The following USP18 variants were observed in gnomAD, a reference collection of about 807,000 sequenced individuals.
USP18 encodes ubiquitin specific peptidase 18, also known as ubl carboxyl-terminal hydrolase 18.
A neutral mutation model predicts 48.7 loss-of-function variants in USP18; 11 were observed. The observed-to-expected ratio is 0.23, with a 90% CI of 0.14 to 0.37. The LOEUF is 0.37. Ranked by LOEUF, USP18 falls within the 10% of genes least tolerant of loss-of-function variation. The pLI is 1.00. For missense variants in USP18, 285 were observed against 436.4 expected (o/e 0.65, Z 3.09); for synonymous variants, 114 against 163.2 (o/e 0.70, Z 2.30).
In USP18 at chr22:18,155,480, G is replaced by A. The variant is rs1363050508; in HGVS notation, c.-106-2078G>A. ...ACTGTGGGAGCCCCTTCCTGGGCTG[G>A]CCGAGGCTGGAGTGGGCTCCCTTAG... On this transcript the variant is annotated intron_variant, in intron 1 of 10. Transcript: ENST00000215794. Among the ~76,000 whole-genome samples, 4 of 152,350 alleles carry A rather than the reference G, an allele frequency of 2.6e-5. No individual in the cohort carries two copies. The East Asian group carries it at 5.8e-4, about 22-fold the overall frequency.
chr22:18,171,752 T>G (rs1301687545), intron 8 of USP18, among the ~76,000 whole-genome samples: 1 of 152,164 alleles, frequency 6.6e-6, no homozygotes, highest in Non-Finnish European at 1.5e-5. Context: ...GGAGTGTCTC[T>G]TCTGTTTTAT....
At chr22:18,162,462 C>T (rs961352512) in intron 4 of USP18, among the ~76,000 whole-genome samples, 2 of 150,066 alleles carry the variant, frequency 1.3e-5, no homozygotes, top group East Asian at 1.9e-4. Context: ...CCTACACTTA[C>T]GGGTTTTCCC....
At chr22:18,172,071 C>G (rs886494652) in intron 8 of USP18, among the ~76,000 whole-genome samples, 3 of 152,122 alleles carry the variant, frequency 2.0e-5, no homozygotes, top group African/African-American at 7.2e-5. Flanking sequence ...TCGAGCCCAG[C>G]TGGACAACAA....
intron 4 of USP18, among the ~76,000 whole-genome samples, chr22:18,163,644 G>GA (rs1396112999): frequency 7.2e-6 from 1 of 138,232 alleles, no homozygotes; most frequent in Non-Finnish European, 1.6e-5. Context: ...CTCTGTCTCA[G>GA]AAAAAAAGAA....
intron 1 of USP18, among the ~76,000 whole-genome samples, chr22:18,155,168 G>C (rs1929094975): frequency 6.6e-6 from 1 of 152,256 alleles, no homozygotes; most frequent in Admixed American, 6.5e-5. Flanking sequence ...AGGGCCCAGG[G>C]CCACTGTAGT....
intron 1 of USP18, among the ~76,000 whole-genome samples, chr22:18,157,233 A>G (rs1281211624): frequency 1.3e-5 from 2 of 152,172 alleles, no homozygotes; most frequent in Non-Finnish European, 2.9e-5. Context: ...TCAGGGGCTG[A>G]GAGTTCTTGC....
chr22:18,168,998 C>A (rs1929556473), intron 6 of USP18, among the ~76,000 whole-genome samples: 1 of 151,912 alleles, frequency 6.6e-6, no homozygotes, highest in African/African-American at 2.4e-5. Context: ...TGAGATCCTG[C>A]CAAGTGGACC....
intron 4 of USP18, among the ~76,000 whole-genome samples, chr22:18,164,095 C>T (rs1050920667): frequency 6.6e-6 from 1 of 152,264 alleles, no homozygotes; most frequent in South Asian, 2.1e-4. Flanking sequence ...GCTGGCTGCT[C>T]TCTGCTTAGA....
chr22:18,169,462 G>T (rs1442954214), intron 6 of USP18, among the ~76,000 whole-genome samples: 1 of 152,246 alleles, frequency 6.6e-6, no homozygotes, highest in Non-Finnish European at 1.5e-5. Context: ...TGTAGTCCCA[G>T]CTACTTAGGA....
intron 10 of USP18, among the ~76,000 whole-genome samples, chr22:18,175,625 C>T (rs1412849629): frequency 2.1e-4 from 32 of 148,936 alleles, no homozygotes; most frequent in Middle Eastern, 3.4e-3. Flanking sequence ...CAAAAGCAGC[C>T]GTAGACAGTA....
chr22:18,156,715 C>A (rs1261686240), intron 1 of USP18, among the ~76,000 whole-genome samples: 2 of 152,176 alleles, frequency 1.3e-5, no homozygotes, highest in African/African-American at 2.4e-5. Flanking sequence ...CTAGCGAGAC[C>A]ACAAACCCAC....
At position 18,170,808 on chromosome 22, in the gene USP18, C is replaced by G. The variant is rs770043778; in HGVS notation, c.779C>G (p.Ser260Cys). The G allele has an allele frequency of 1.9e-6, 3 of 1,600,764 alleles. No homozygotes were observed. The highest frequency in any genetic ancestry group is 2.6e-6 in the Non-Finnish European group (3 of 1,176,218). ...CTGACAATCCACCTCATGCGATTCT[C>G]CATCAGGAATTCACAGACGAGAAAG... is the stretch of plus-strand genomic sequence containing the variant. ...QTLTIHLMRF[S>C]IRNSQTRKIC... The change falls in exon 8 of 11, where the codon TCC becomes TGC. Residue 260 changes from serine to cysteine, a missense_variant. Physicochemically the swap from Ser to Cys is moderately radical, Grantham distance 112. This residue lies in a region of USP18 where 34 missense variants were observed against 94.8 expected (regional missense o/e 0.36). Transcript: ENST00000215794.
intron 1 of USP18, among the ~76,000 whole-genome samples, chr22:18,156,373 C>T (rs558101187): frequency 1.1e-4 from 16 of 152,208 alleles, no homozygotes; most frequent in Non-Finnish European, 2.1e-4. Flanking sequence ...GTCAGGTTTC[C>T]TTCCATGCTG....
chr22:18,173,189 G>A lies in USP18; in HGVS notation c.931G>A (p.Val311Met), dbSNP rs146575252. ...QYELFAVIAH[V>M]GMADSGHYCV... ...TGAGCTTTTTGCTGTGATTGCGCACGTGGGAATGGCAGACTCCGGTCATTA... is the reference window on the plus strand; with the variant it reads ...TGAGCTTTTTGCTGTGATTGCGCACATGGGAATGGCAGACTCCGGTCATTA... The change falls in exon 9 of 11, where the codon GTG (valine) becomes ATG (methionine). Residue 311 changes from valine to methionine, a missense_variant. This residue lies in a region of USP18 where 44 missense variants were observed against 64.4 expected (regional missense o/e 0.68). Transcript: ENST00000215794. 4.8e-5 allele frequency: 78 copies of A among 1,610,586 alleles called. No individual in the cohort carries two copies. The highest frequency in any genetic ancestry group is 9.4e-5 in the African/African-American group (7 of 74,536).
intron 10 of USP18, among the ~76,000 whole-genome samples, chr22:18,174,235 T>G (rs970344727): frequency 3.4e-5 from 5 of 148,728 alleles, no homozygotes; most frequent in Non-Finnish European, 6.0e-5. Context: ...TTTCTTTTCT[T>G]TTTTTTTTTT....
chr22:18,162,293 T>G (rs1253155298), intron 4 of USP18, among the ~76,000 whole-genome samples: 2 of 152,020 alleles, frequency 1.3e-5, no homozygotes, highest in Admixed American at 6.5e-5. Flanking sequence ...TTAGGTTTTT[T>G]TTTTTTTTTT....
At chr22:18,169,316 C>T (rs1929564184) in intron 6 of USP18, among the ~76,000 whole-genome samples, 2 of 152,156 alleles carry the variant, frequency 1.3e-5, no homozygotes, top group South Asian at 4.2e-4. Context: ...AACTCACGCC[C>T]ATAATCCCAG....
At chr22:18,160,397 C>G (rs1286697222) in intron 3 of USP18, 129 bp downstream of exon 3, 3 of 1,111,390 alleles carry the variant, frequency 2.7e-6, no homozygotes, top group Admixed American at 4.1e-5. Flanking sequence ...GTTCTGCCTC[C>G]CGGGTTCAAG....
intron 4 of USP18, among the ~76,000 whole-genome samples, chr22:18,162,951 T>A (rs1015476786): frequency 6.0e-5 from 9 of 151,062 alleles, no homozygotes; most frequent in African/African-American, 1.9e-4. Flanking sequence ...TCTCTTAAGA[T>A]ATCTTCACTC....
Sources: allele counts gnomAD v4.1 joint callset (sites outside exome capture counted in the v4.1 genomes callset), GRCh38; gene constraint gnomAD v4.1.1; regional missense constraint gnomAD v4.1.1; transcripts MANE v1.5; gene names NCBI Gene and HGNC (gene_info 2026-07-23, HGNC 2026-07-21).